The following DNAJC21 variants were observed in gnomAD, a reference collection of about 807,000 sequenced individuals.
DNAJC21 encodes dnaJ homolog subfamily C member 21.
Under a neutral mutation model 72.4 loss-of-function variants are expected in DNAJC21, and 63 were observed. The ratio of observed to expected loss-of-function variants is 0.87; its 90% CI spans 0.71 to 1.07. The LOEUF (loss-of-function observed/expected upper bound fraction) is 1.07. Among genes scored for constraint, DNAJC21 ranks in the 50% least tolerant of loss-of-function variants. The probability of loss-of-function intolerance (pLI) is 0.00; values close to 1 mark genes in which losing one functional copy is unlikely to be tolerated. For missense variants in DNAJC21, 634 were observed against 644.8 expected, an observed-to-expected ratio of 0.98 and a Z score of 0.18; for synonymous variants, 203 against 216.7, an observed-to-expected ratio of 0.94 and a Z score of 0.56.
Position 34,955,304 on chromosome 5 carries a change from T to C in DNAJC21, c.*590T>C, listed in dbSNP as rs996414263. The C allele has an allele frequency of 6.6e-6, 1 of 152,206 alleles. No individual in the cohort carries two copies. The highest frequency in any genetic ancestry group is 1.5e-5 in the Non-Finnish European group (1 of 68,036). The allele number at this position is 152,206 out of a possible 1,614,324, so 9.4% of individuals were successfully genotyped here. A position where few individuals can be genotyped will look rare whatever the true frequency, so the allele number is the denominator to read the frequency against. ...GAATAGTGTCTCTTCAAGGTTTTAC[T>C]TGATTTAATTTGATATTTTACTGGT... On this transcript the variant is annotated 3_prime_UTR_variant, in exon 12 of 12. Transcript: ENST00000648817.
Position 34,929,683 on chromosome 5 carries a change from C to A in DNAJC21, c.-137C>A. On this transcript the variant is annotated 5_prime_UTR_variant, in exon 1 of 12. Transcript: ENST00000648817. ...CGCCGCCGCCGCCGCCGCCGCCGGG[C>A]TCGCTGGCTGGCCCGGTGCGGGCGG... 1 of 207,792 alleles carries A rather than the reference C, an allele frequency of 4.8e-6. No homozygotes were observed. Among genetic ancestry groups the A allele is most frequent in the Non-Finnish European group, 8.2e-6 (1 of 121,370 alleles). The allele number at this position is 207,792 out of a possible 1,614,324, so 12.9% of individuals were successfully genotyped here. A position where few individuals can be genotyped will look rare whatever the true frequency, so the allele number is the denominator to read the frequency against.
chr5:34,951,770 C>G, intron 10 of DNAJC21: 1 of 978,304 alleles, frequency 1.0e-6, no homozygotes. Flanking sequence ...ATGATCTGCC[C>G]GCCTTGGCCT....
In DNAJC21 at chr5:34,945,022, A is replaced by C; in HGVS notation, c.1139A>C (p.Gln380Pro). ...GAAGAAATGGAAGATGCACCAAAAC[A>C]AAAGTACTTCTAAATATTAAATGTC... is the stretch of plus-strand genomic sequence containing the variant. ...SEEEMEDAPK[Q>P]KLSKKQKKKK... Residue 380 changes from glutamine to proline, a missense_variant, in exon 8 of 12, where the codon CAA becomes CCA. Transcript: ENST00000648817. The C allele has an allele frequency of 6.2e-7, 1 of 1,611,944 alleles. No homozygotes were observed.
chr5:34,947,553 TGTTA>T (rs916112514), intron 9 of DNAJC21, among the ~76,000 whole-genome samples: 8 of 150,018 alleles, frequency 5.3e-5, no homozygotes, highest in Non-Finnish European at 8.9e-5. Flanking sequence ...CTAAGAGGTT[TGTTA>T]GTTATTTTTA....
In DNAJC21 at chr5:34,948,605, G is replaced by A. The variant is rs781733965; in HGVS notation, c.1186-1565G>A. On this transcript the variant is annotated intron_variant, in intron 9 of 11. Transcript: ENST00000648817. Reference sequence around the variant, plus strand: ...GAGCTGGCCAGGTGCGGTGGCTCACGCCTGTAATCCCAGAACTTTGGGAGG... The same window carrying A: ...GAGCTGGCCAGGTGCGGTGGCTCACACCTGTAATCCCAGAACTTTGGGAGG... Among the ~76,000 whole-genome samples the A allele has an allele frequency of 3.9e-5, 6 of 152,274 alleles. No individual in the cohort carries two copies. The South Asian group carries it at 8.3e-4, about 21-fold the overall frequency.
chr5:34,938,850 G>T lies in DNAJC21; in HGVS notation c.744-8G>T. ...TTGTCGCTGTGAGACTGTGCTGTAT[G>T]TGTCTAGACTGGTGGAGCAGTACAG... On this transcript the variant is annotated splice_polypyrimidine_tract_variant and splice_region_variant and intron_variant, in intron 5 of 11. Coordinates refer to ENST00000648817, the MANE Select transcript of DNAJC21 (RefSeq NM_001012339.3). The T allele has an allele frequency of 6.2e-7, 1 of 1,603,674 alleles. No homozygotes were observed. Among genetic ancestry groups the T allele is most frequent in the Non-Finnish European group, 8.5e-7 (1 of 1,176,290 alleles).
rs1765329136 is a variant in DNAJC21 at position 34,950,544 on chromosome 5, C to T, written c.1358+202C>T. The T allele has an allele frequency of 4.1e-6, 5 of 1,224,698 alleles. No individual in the cohort carries two copies. The South Asian group carries it at 1.4e-4, about 34-fold the overall frequency. The allele number at this position is 1,224,698 out of a possible 1,614,324, so 75.9% of individuals were successfully genotyped here. A position where few individuals can be genotyped will look rare whatever the true frequency, so the allele number is the denominator to read the frequency against. The stretch of plus-strand genomic sequence containing the variant: ...AGAGGATGCTAGAGGAATGTGCCCA[C>T]ACACATCTCAGCAGCATGGCCAAAA... On this transcript the variant is annotated intron_variant, in intron 10 of 11. Transcript: ENST00000648817.
chr5:34,949,510 G>T, intron 9 of DNAJC21: 3 of 1,551,608 alleles, frequency 1.9e-6, no homozygotes, highest in South Asian at 2.4e-5. Context: ...TCTTGAGTGT[G>T]AGTATTGTGC....
rs1764772966 is a variant in DNAJC21, at chr5:34,936,249, C to A, written c.421C>A (p.Gln141Lys). 1 of 1,613,138 alleles carries A rather than the reference C, an allele frequency of 6.2e-7. No homozygotes were observed. The highest frequency in any genetic ancestry group is 8.5e-7 in the Non-Finnish European group (1 of 1,179,794). The change falls in exon 4 of 12, where the codon CAG becomes AAG. Residue 141 changes from glutamine (Q) to lysine (K), a missense_variant. Gln to Lys is a moderately conservative substitution (Grantham distance 53). Coordinates refer to ENST00000648817, the MANE Select transcript of DNAJC21 (RefSeq NM_001012339.3). ...TGATTTCCCAACTTTTGGAGACTCC[C>A]AGAGTGACTATGATACGGTAAAATA... ...VDDFPTFGDSQSDYDTVVHPF... is the reference protein window; with the variant it reads ...VDDFPTFGDSKSDYDTVVHPF...
intron 7 of DNAJC21, 77 bp downstream of exon 7, chr5:34,941,260 C>T (rs1366828080): frequency 1.1e-5 from 15 of 1,308,950 alleles, no homozygotes; most frequent in Non-Finnish European, 1.6e-5. Flanking sequence ...TGCAGTGGCA[C>T]AGTCATGACT....
At chr5:34,933,932 A>G (rs1400841012) in intron 2 of DNAJC21, 24 bp downstream of exon 2, 6 of 1,601,760 alleles carry the variant, frequency 3.7e-6, no homozygotes, top group Admixed American at 3.4e-5. Context: ...TGTCCTTCCC[A>G]TCCTAGTTTA....
At chr5:34,940,965 G>C (rs1402493220) in intron 6 of DNAJC21, 131 bp from the exon 7 acceptor site, 6 of 730,342 alleles carry the variant, frequency 8.2e-6, no homozygotes, top group Non-Finnish European at 1.3e-5. Context: ...CTTTTAAAAA[G>C]CCAACTCAAA....
intron 4 of DNAJC21, 30 bp downstream of exon 4, chr5:34,936,296 A>C (rs1764775639): frequency 1.9e-6 from 3 of 1,595,108 alleles, no homozygotes; most frequent in Non-Finnish European, 2.6e-6. Flanking sequence ...TTCTATAATT[A>C]GTATTTATCA....
intron 6 of DNAJC21, 65 bp from the exon 7 acceptor site, chr5:34,941,031 G>T: frequency 8.0e-7 from 1 of 1,254,146 alleles, no homozygotes; most frequent in African/African-American, 1.5e-5. Flanking sequence ...TTTCTAATTT[G>T]TTAGCATATT....
rs772171513 is a variant in DNAJC21, at chr5:34,929,851, G to T, written c.32G>T (p.Arg11Leu). 1.0e-5 allele frequency: 16 copies of T among 1,577,162 alleles called. No individual in the cohort carries two copies. The highest frequency in any genetic ancestry group is 1.4e-5 in the Non-Finnish European group (16 of 1,162,616). Reference sequence around the variant, plus strand: ...TGTCACTATGAGGCGCTGGGGGTGCGGCGCGACGCCAGCGAGGAGGAGCTC... The same window carrying T: ...TGTCACTATGAGGCGCTGGGGGTGCTGCGCGACGCCAGCGAGGAGGAGCTC... MKCHYEALGV[R>L]RDASEEELKK... Residue 11 changes from arginine to leucine, a missense_variant, in exon 1 of 12, where the codon CGG becomes CTG. Transcript: ENST00000648817.
intron 5 of DNAJC21, 61 bp downstream of exon 5, chr5:34,937,691 G>A: frequency 6.5e-7 from 1 of 1,538,018 alleles, no homozygotes; most frequent in Non-Finnish European, 8.7e-7. Flanking sequence ...CAGCACCAGA[G>A]GTACCTTACA....
chr5:34,937,634 C>A lies in DNAJC21; in HGVS notation c.743+4C>A. 2 of 1,607,088 alleles carry A rather than the reference C, an allele frequency of 1.2e-6. No homozygotes were observed. The highest frequency in any genetic ancestry group is 1.7e-6 in the Non-Finnish European group (2 of 1,176,098). On this transcript the variant is annotated splice_donor_region_variant and intron_variant, in intron 5 of 11. Transcript: ENST00000648817. ...AGCAGAAGCTAAAGCAGGCCAAGTG[C>A]GTAGCGTGCGTGGGGCCCTCTTCTC...
At chr5:34,954,106 C>T in intron 11 of DNAJC21, 105 bp downstream of exon 11, 2 of 1,013,008 alleles carry the variant, frequency 2.0e-6, no homozygotes, top group South Asian at 2.1e-5. Context: ...CCGCAAAGAG[C>T]CTGCAAAGAT....
intron 9 of DNAJC21, among the ~76,000 whole-genome samples, chr5:34,946,011 C>A (rs1765166827): frequency 6.6e-6 from 1 of 152,058 alleles, no homozygotes; most frequent in Non-Finnish European, 1.5e-5. Flanking sequence ...TTAATTATGA[C>A]TGCCAGTGTG....
Sources: gnomAD v4.1 joint callset for allele counts (sites outside exome capture counted in the v4.1 genomes callset) on GRCh38, gnomAD v4.1.1 for gene constraint, MANE v1.5 for transcripts, NCBI Gene and HGNC (gene_info 2026-07-23, HGNC 2026-07-21) for gene names.